The following KDM2A variants were observed in gnomAD, a reference collection of about 807,000 sequenced individuals.
The protein encoded by KDM2A is lysine-specific demethylase 2A.
A neutral mutation model predicts 137.3 loss-of-function variants in KDM2A; 3 were observed. The ratio of observed to expected loss-of-function variants is 0.02; its 90% CI spans 0.01 to 0.06. The LOEUF is 0.06. Among genes scored for constraint, KDM2A ranks in the 10% least tolerant of loss-of-function variants. The probability of loss-of-function intolerance (pLI) is 1.00; values close to 1 mark genes in which losing one functional copy is unlikely to be tolerated. For synonymous variants in KDM2A, 512 were observed against 541.5 expected (o/e 0.95, Z 0.76); for missense variants, 738 against 1,510.6 (o/e 0.49, Z 8.48).
chr11:67,242,049 G>T (rs1208934127), intron 12 of KDM2A, among the ~76,000 whole-genome samples: 1 of 152,152 alleles, frequency 6.6e-6, no homozygotes, highest in East Asian at 1.9e-4. Context: ...ACTCCAGCCT[G>T]AGCAACAGAG....
chr11:67,202,314 A>T (rs926927883), intron 5 of KDM2A, among the ~76,000 whole-genome samples: 1 of 152,202 alleles, frequency 6.6e-6, no homozygotes, highest in African/African-American at 2.4e-5. Context: ...GATATTACAT[A>T]AAGTGAGTTT....
intron 2 of KDM2A, among the ~76,000 whole-genome samples, chr11:67,169,735 CT>C (rs1429260128): frequency 2.8e-4 from 12 of 42,154 alleles, no homozygotes; most frequent in African/African-American, 8.8e-4. Flanking sequence ...CTCTCTCCTT[CT>C]CTCTCTCTCT....
At chr11:67,240,019 C>T (rs1214764270) in intron 12 of KDM2A, 5 of 1,295,244 alleles carry the variant, frequency 3.9e-6, no homozygotes, top group Non-Finnish European at 3.9e-6. Flanking sequence ...CGCTCACTCT[C>T]GCTCGGCTCC....
intron 2 of KDM2A, among the ~76,000 whole-genome samples, chr11:67,167,194 T>C (rs187046396): frequency 7.2e-5 from 11 of 152,358 alleles, no homozygotes; most frequent in South Asian, 4.1e-4. Flanking sequence ...GCCTTAGATA[T>C]AACATCTAAA....
At chr11:67,209,773 A>G (rs1266822764) in intron 6 of KDM2A, among the ~76,000 whole-genome samples, 5 of 152,162 alleles carry the variant, frequency 3.3e-5, no homozygotes, top group Non-Finnish European at 4.4e-5. Context: ...TAAAAATAAC[A>G]GGATTGGCCA....
chr11:67,182,794 A>G (rs1241599773), intron 5 of KDM2A, among the ~76,000 whole-genome samples: 1 of 152,182 alleles, frequency 6.6e-6, no homozygotes, highest in Non-Finnish European at 1.5e-5. Context: ...TGGCCTCCCA[A>G]AGTGCTGGGA....
At chr11:67,225,120 G>A (rs766227072) in intron 10 of KDM2A, among the ~76,000 whole-genome samples, 3 of 151,946 alleles carry the variant, frequency 2.0e-5, no homozygotes, top group Non-Finnish European at 2.9e-5. Flanking sequence ...GAGCCATCAC[G>A]CCCGGCGGCT....
intron 2 of KDM2A, among the ~76,000 whole-genome samples, chr11:67,127,141 A>G (rs1855748915): frequency 6.6e-6 from 1 of 152,164 alleles, no homozygotes; most frequent in Non-Finnish European, 1.5e-5. Flanking sequence ...TCCGTTGCCC[A>G]GGCTAGAGTG....
At chr11:67,126,333 G>A (rs775310467) in intron 2 of KDM2A, among the ~76,000 whole-genome samples, 97 of 151,936 alleles carry the variant, frequency 6.4e-4, no homozygotes, top group Non-Finnish European at 1.1e-3. Flanking sequence ...CCAGCACTTC[G>A]GGAGGCCAGG....
chr11:67,122,672 T>C (rs1855625272), intron 2 of KDM2A, among the ~76,000 whole-genome samples: 1 of 149,684 alleles, frequency 6.7e-6, no homozygotes, highest in Non-Finnish European at 1.5e-5. Flanking sequence ...TATTTATTTA[T>C]TTATTTATTT....
chr11:67,136,370 T>A (rs1386163450), intron 2 of KDM2A, among the ~76,000 whole-genome samples: 1 of 152,198 alleles, frequency 6.6e-6, no homozygotes, highest in African/African-American at 2.4e-5. Context: ...CTTCATCAAC[T>A]TTGTTGGGAC....
chr11:67,143,671 CT>C (rs1301243297), intron 2 of KDM2A, among the ~76,000 whole-genome samples: 1 of 151,938 alleles, frequency 6.6e-6, no homozygotes, highest in East Asian at 1.9e-4. Context: ...CTCACTCCAT[CT>C]CCCAGGCTGG....
chr11:67,120,326 C>T (rs990172406), intron 1 of KDM2A, among the ~76,000 whole-genome samples: 2 of 152,222 alleles, frequency 1.3e-5, no homozygotes, highest in Non-Finnish European at 2.9e-5. Context: ...CAAACTGTGT[C>T]ATCGGGTCCT....
chr11:67,234,869 G>A (rs946611650), intron 12 of KDM2A, among the ~76,000 whole-genome samples: 3 of 151,968 alleles, frequency 2.0e-5, no homozygotes, highest in African/African-American at 4.8e-5. Flanking sequence ...AAAGTAGGCC[G>A]GGCATGGTGG....
At chr11:67,174,055 C>G (rs1856929087) in intron 2 of KDM2A, among the ~76,000 whole-genome samples, 1 of 152,114 alleles carries the variant, frequency 6.6e-6, no homozygotes. Flanking sequence ...GTCAGGAGTT[C>G]GAGACCAGCC....
chr11:67,247,422 CT>C (rs56012601), intron 15 of KDM2A, among the ~76,000 whole-genome samples: 7 of 84,526 alleles, frequency 8.3e-5, no homozygotes, highest in South Asian at 9.5e-4. Flanking sequence ...GCATTACAAT[CT>C]TTTTTTTTTT....
At chr11:67,207,736 G>A (rs1442121827) in intron 6 of KDM2A, 48 bp downstream of exon 6, 11 of 1,438,508 alleles carry the variant, frequency 7.6e-6, no homozygotes, top group Non-Finnish European at 9.4e-6. Context: ...CAAAAGGGTT[G>A]TTTTCGGCTG....
At chr11:67,247,060 TATATATA>T (rs1859253353) in intron 15 of KDM2A, among the ~76,000 whole-genome samples, 2 of 32,944 alleles carry the variant, frequency 6.1e-5, no homozygotes, top group African/African-American at 2.8e-4. Flanking sequence ...TATATATATA[TATATATA>T]TATATTTTTT....
At chr11:67,211,613 CA>C (rs377116306) in intron 6 of KDM2A, among the ~76,000 whole-genome samples, 2,945 of 50,078 alleles carry the variant, frequency 0.059, 23 homozygotes, top group African/African-American at 0.27. Flanking sequence ...GACCCTGTCT[CA>C]AAAAAAAAAA....
Sources: gnomAD v4.1 joint callset for allele counts (sites outside exome capture counted in the v4.1 genomes callset) on GRCh38, gnomAD v4.1.1 for gene constraint, MANE v1.5 for transcripts, NCBI Gene and HGNC (gene_info 2026-07-23, HGNC 2026-07-21) for gene names.